The following CTNND2 variants were observed in gnomAD, a reference collection of about 807,000 sequenced individuals.
CTNND2 encodes the protein catenin delta 2.
In CTNND2, 22 loss-of-function variants were observed where a neutral mutation model predicts 144.4. The observed-to-expected ratio is 0.15, with a 90% CI of 0.11 to 0.22. The LOEUF (loss-of-function observed/expected upper bound fraction) is 0.22. CTNND2 is among the 10% of genes least tolerant of loss of function. The pLI, the probability that CTNND2 is intolerant of heterozygous loss-of-function variation, is 1.00. For synonymous variants in CTNND2, 751 were observed against 695.6 expected (o/e 1.08, Z -1.25); for missense variants, 1,353 against 1,618.8 (o/e 0.84, Z 2.82).
At chr5:11,130,836 C>G (rs955532790) in intron 12 of CTNND2, among the ~76,000 whole-genome samples, 9 of 152,144 alleles carry the variant, frequency 5.9e-5, no homozygotes, top group African/African-American at 2.2e-4. Flanking sequence ...CCAACTCCCA[C>G]AATGTTTTAC....
intron 16 of CTNND2, among the ~76,000 whole-genome samples, chr5:11,023,833 C>A (rs1425432233): frequency 6.6e-6 from 1 of 152,210 alleles, no homozygotes; most frequent in African/African-American, 2.4e-5. Flanking sequence ...GCACTTTAGG[C>A]ATTACCAATA....
chr5:11,901,813 A>G (rs1424947885), intron 1 of CTNND2, among the ~76,000 whole-genome samples: 1 of 152,236 alleles, frequency 6.6e-6, no homozygotes, highest in Non-Finnish European at 1.5e-5. Context: ...ACACAGGCAC[A>G]GAGCAGTATC....
At chr5:11,094,102 C>A (rs976447949) in intron 15 of CTNND2, among the ~76,000 whole-genome samples, 8 of 152,100 alleles carry the variant, frequency 5.3e-5, no homozygotes, top group Non-Finnish European at 8.8e-5. Flanking sequence ...TAATTACTCC[C>A]AAATATTACT....
chr5:11,592,082 T>C (rs542197262), intron 2 of CTNND2, among the ~76,000 whole-genome samples: 2 of 151,936 alleles, frequency 1.3e-5, no homozygotes, highest in East Asian at 1.9e-4. Flanking sequence ...AGTGTTTCAG[T>C]TGAGGATTCT....
rs189958118 is a variant in CTNND2, at chr5:11,792,863, A to C, written c.38-60591T>G. On this transcript the variant is annotated intron_variant, in intron 1 of 21. Transcript: ENST00000304623. ...GCCAGATTCCATTCACAGCCAAAAA[A>C]CTCTTGCCAACAAAGGCTTAAAATG... Among the ~76,000 whole-genome samples, 147 of 152,200 alleles carry C rather than the reference A, an allele frequency of 9.7e-4. 1 individual carries two copies. The East Asian group carries it at 0.027, about 28-fold the overall frequency.
chr5:11,598,434 G>A (rs1019439372), intron 2 of CTNND2, among the ~76,000 whole-genome samples: 2 of 152,150 alleles, frequency 1.3e-5, no homozygotes, highest in African/African-American at 4.8e-5. Context: ...CCCACTAAGC[G>A]ATTCTTTACC....
At chr5:11,438,459 G>C (rs1341752188) in intron 3 of CTNND2, among the ~76,000 whole-genome samples, 1 of 152,148 alleles carries the variant, frequency 6.6e-6, no homozygotes, top group African/African-American at 2.4e-5. Context: ...AACTACACGT[G>C]GTGTTGAGAA....
At chr5:11,057,888 A>G (rs1746505981) in intron 16 of CTNND2, among the ~76,000 whole-genome samples, 1 of 152,116 alleles carries the variant, frequency 6.6e-6, no homozygotes, top group Admixed American at 6.6e-5. Context: ...AGCAAAGGTA[A>G]CTCTTGTTAT....
intron 3 of CTNND2, among the ~76,000 whole-genome samples, chr5:11,414,503 G>T (rs1761779118): frequency 6.6e-6 from 1 of 152,130 alleles, no homozygotes; most frequent in Non-Finnish European, 1.5e-5. Context: ...TATAGATGGG[G>T]AATAACAGAT....
rs1735899709 is a variant in CTNND2, at chr5:10,971,894, C to T, written c.*1559G>A. Reference sequence around the variant, plus strand: ...AGAACAGTTAACATTTACTAGGCACCTATTGGCCTCAGCCACTTGCATCTA... The same window carrying T: ...AGAACAGTTAACATTTACTAGGCACTTATTGGCCTCAGCCACTTGCATCTA... On this transcript the variant is annotated 3_prime_UTR_variant, in exon 22 of 22. Coordinates refer to ENST00000304623, the MANE Select transcript of CTNND2 (RefSeq NM_001332.4). 2.6e-5 allele frequency: 4 copies of T among 152,602 alleles called. No homozygotes were observed. The highest frequency in any genetic ancestry group is 5.9e-5 in the Non-Finnish European group (4 of 68,042). The allele number at this position is 152,602 out of a possible 1,614,324, so 9.5% of individuals were successfully genotyped here. A position where few individuals can be genotyped will look rare whatever the true frequency, so the allele number is the denominator to read the frequency against.
intron 2 of CTNND2, among the ~76,000 whole-genome samples, chr5:11,619,150 G>A (rs1780716486): frequency 6.6e-6 from 1 of 152,202 alleles, no homozygotes; most frequent in Non-Finnish European, 1.5e-5. Flanking sequence ...GCTCATGCCT[G>A]TAACCCTAGC....
At chr5:11,203,402 A>G (rs948071528) in intron 10 of CTNND2, among the ~76,000 whole-genome samples, 3 of 152,070 alleles carry the variant, frequency 2.0e-5, no homozygotes, top group Admixed American at 6.5e-5. Flanking sequence ...TCCTCACATT[A>G]TTACTTTAAT....
chr5:11,119,831 G>GA (rs1407918919), intron 12 of CTNND2, among the ~76,000 whole-genome samples: 2 of 152,052 alleles, frequency 1.3e-5, no homozygotes, highest in East Asian at 1.9e-4. Flanking sequence ...ACCCTGATCT[G>GA]AAAAAAACCC....
chr5:11,867,988 C>T (rs886790911), intron 1 of CTNND2, among the ~76,000 whole-genome samples: 10 of 151,770 alleles, frequency 6.6e-5, no homozygotes, highest in Non-Finnish European at 1.5e-4. Flanking sequence ...CACCTCAGTG[C>T]TCTTTTGTCA....
At chr5:11,684,659 A>C (rs984938096) in intron 2 of CTNND2, among the ~76,000 whole-genome samples, 2 of 152,122 alleles carry the variant, frequency 1.3e-5, no homozygotes, top group Admixed American at 6.5e-5. Context: ...TTAATTCCTA[A>C]CATGAGTGTG....
chr5:11,271,935 G>A (rs1481049275), intron 9 of CTNND2, among the ~76,000 whole-genome samples: 1 of 151,668 alleles, frequency 6.6e-6, no homozygotes, highest in African/African-American at 2.4e-5. Flanking sequence ...AACTGTTTTG[G>A]GAATTGTACA....
intron 2 of CTNND2, among the ~76,000 whole-genome samples, chr5:11,590,291 C>T (rs1779149249): frequency 6.6e-6 from 1 of 152,132 alleles, no homozygotes; most frequent in Admixed American, 6.5e-5. Context: ...GATCCGCCTG[C>T]CTTGGCCTCC....
chr5:11,786,102 A>G (rs981064738), intron 1 of CTNND2, among the ~76,000 whole-genome samples: 7 of 152,204 alleles, frequency 4.6e-5, no homozygotes, highest in Non-Finnish European at 1.0e-4. Flanking sequence ...GGTACATGTA[A>G]CAGCGCGGCA....
chr5:11,110,526 G>T (rs903090438), intron 14 of CTNND2, among the ~76,000 whole-genome samples: 1 of 152,118 alleles, frequency 6.6e-6, no homozygotes, highest in Non-Finnish European at 1.5e-5. Flanking sequence ...CACCTGGATG[G>T]CATCAAATCC....
Sources: allele counts gnomAD v4.1 joint callset (sites outside exome capture counted in the v4.1 genomes callset), GRCh38; gene constraint gnomAD v4.1.1; transcripts MANE v1.5; gene names NCBI Gene and HGNC (gene_info 2026-07-23, HGNC 2026-07-21).